Variants in GRIA1 observed in about 807,000 individuals in gnomAD.
GRIA1 encodes glutamate ionotropic receptor AMPA type subunit 1, also known as glutamate receptor 1.
In GRIA1, 31 loss-of-function variants were observed where a neutral mutation model predicts 99.2. The ratio of observed to expected loss-of-function variants is 0.31; its 90% CI spans 0.23 to 0.42. The LOEUF is 0.42. Ranked by LOEUF, GRIA1 falls within the 10% of genes least tolerant of loss-of-function variation. The pLI, the probability that GRIA1 is intolerant of heterozygous loss-of-function variation, is 1.00. For missense variants in GRIA1, 782 were observed against 1,157.5 expected (o/e 0.68, Z 4.71); for synonymous variants, 438 against 432.4 (o/e 1.01, Z -0.16).
chr5:153,715,275 C>T (rs759228826), intron 11 of GRIA1, among the ~76,000 whole-genome samples: 24 of 152,094 alleles, frequency 1.6e-4, no homozygotes, highest in Non-Finnish European at 2.6e-4. Context: ...CAGCTCCATG[C>T]TCCCATTATG....
intron 5 of GRIA1, among the ~76,000 whole-genome samples, chr5:153,671,291 T>G (rs559175018): frequency 6.6e-6 from 1 of 152,320 alleles, no homozygotes; most frequent in African/African-American, 2.4e-5. Context: ...AGGACCTTGT[T>G]ACAGATTTTC....
At chr5:153,508,211 C>T (rs1309207111) in intron 2 of GRIA1, among the ~76,000 whole-genome samples, 2 of 152,166 alleles carry the variant, frequency 1.3e-5, no homozygotes, top group Non-Finnish European at 2.9e-5. Flanking sequence ...TTAACTGAGC[C>T]TTGTTGCAAT....
chr5:153,752,782 A>T (rs894623920), intron 11 of GRIA1, among the ~76,000 whole-genome samples: 1 of 152,218 alleles, frequency 6.6e-6, no homozygotes, highest in African/African-American at 2.4e-5. Flanking sequence ...TAATCTATGT[A>T]ATGCTATGAA....
intron 12 of GRIA1, 42 bp downstream of exon 12, chr5:153,764,674 A>G (rs1448557875): frequency 7.3e-7 from 1 of 1,361,378 alleles, no homozygotes; most frequent in Admixed American, 1.7e-5. Context: ...ACAAAAGGGA[A>G]CCACAACTGT....
chr5:153,783,037 C>T (rs765215198), intron 13 of GRIA1, among the ~76,000 whole-genome samples: 5 of 152,044 alleles, frequency 3.3e-5, no homozygotes, highest in Non-Finnish European at 7.4e-5. Flanking sequence ...AGGTGGGAGA[C>T]CTGCAGGAGC....
At chr5:153,744,304 G>T (rs901594331) in intron 11 of GRIA1, among the ~76,000 whole-genome samples, 12 of 152,138 alleles carry the variant, frequency 7.9e-5, no homozygotes, top group Non-Finnish European at 1.6e-4. Context: ...AAAGAAAAAA[G>T]TTTGTTATTT....
chr5:153,638,924 T>C (rs1254565178), intron 2 of GRIA1, among the ~76,000 whole-genome samples: 2 of 152,230 alleles, frequency 1.3e-5, no homozygotes, highest in East Asian at 3.9e-4. Flanking sequence ...TCTGCAAAGA[T>C]CCTTAAAGAA....
intron 11 of GRIA1, among the ~76,000 whole-genome samples, chr5:153,741,031 C>T (rs1581576264): frequency 1.6e-5 from 2 of 128,770 alleles, no homozygotes; most frequent in South Asian, 5.0e-4. Flanking sequence ...GGCTGGAGTG[C>T]AGTGGCACAA....
At chr5:153,713,820 G>A (rs1759489333) in intron 11 of GRIA1, among the ~76,000 whole-genome samples, 1 of 152,238 alleles carries the variant, frequency 6.6e-6, no homozygotes, top group African/African-American at 2.4e-5. Flanking sequence ...GAGCTGAAAG[G>A]GATATTGAGG....
At chr5:153,777,993 G>A (rs1764373528) in intron 13 of GRIA1, among the ~76,000 whole-genome samples, 2 of 152,198 alleles carry the variant, frequency 1.3e-5, no homozygotes, top group Non-Finnish European at 2.9e-5. Context: ...GGTCGGGCCT[G>A]ATCAGAGACA....
intron 11 of GRIA1, among the ~76,000 whole-genome samples, chr5:153,744,041 C>T (rs949517042): frequency 1.3e-5 from 2 of 152,098 alleles, no homozygotes; most frequent in African/African-American, 4.8e-5. Flanking sequence ...ATTCCCATTT[C>T]CTGAGGGTGA....
chr5:153,762,886 A>G (rs532460264), intron 11 of GRIA1, among the ~76,000 whole-genome samples: 1 of 151,182 alleles, frequency 6.6e-6, no homozygotes, highest in Non-Finnish European at 1.5e-5. Flanking sequence ...AAACTTCTAC[A>G]AAGTTCTCCT....
intron 2 of GRIA1, among the ~76,000 whole-genome samples, chr5:153,642,657 A>G (rs1753857741): frequency 6.6e-6 from 1 of 151,688 alleles, no homozygotes. Flanking sequence ...AAAAACAAAG[A>G]AGAAGAAGAG....
chr5:153,638,507 T>A lies in GRIA1; in HGVS notation c.221-8421T>A, dbSNP rs1348437553. Among the ~76,000 whole-genome samples, 3 of 152,236 alleles carry A rather than the reference T, an allele frequency of 2.0e-5. No individual in the cohort carries two copies. In the East Asian group the frequency reaches 5.8e-4, roughly 29 times the overall value. ...CTGGCTGGTAGCTTAGTAACGTGGA[T>A]AGTTGTTCTGCTTCCCTTGACCCAG... On this transcript the variant is annotated intron_variant, in intron 2 of 15. Transcript: ENST00000285900.
At chr5:153,772,444 G>A (rs1763943684) in intron 13 of GRIA1, among the ~76,000 whole-genome samples, 1 of 152,080 alleles carries the variant, frequency 6.6e-6, no homozygotes, top group Non-Finnish European at 1.5e-5. Flanking sequence ...TAATACAGAG[G>A]AGAAATGTTT....
At chr5:153,723,460 G>A (rs562140681) in intron 11 of GRIA1, among the ~76,000 whole-genome samples, 53 of 152,230 alleles carry the variant, frequency 3.5e-4, no homozygotes, top group Non-Finnish European at 5.6e-4. Flanking sequence ...CTCGGGAAAC[G>A]CAAGGGATCA....
At chr5:153,792,399 A>G (rs1440677820) in intron 13 of GRIA1, among the ~76,000 whole-genome samples, 1 of 152,230 alleles carries the variant, frequency 6.6e-6, no homozygotes, top group Non-Finnish European at 1.5e-5. Flanking sequence ...AGCAAAAATG[A>G]GAATTAGAAC....
intron 6 of GRIA1, among the ~76,000 whole-genome samples, chr5:153,676,425 A>G (rs1054436116): frequency 1.3e-5 from 2 of 152,208 alleles, no homozygotes; most frequent in Non-Finnish European, 2.9e-5. Context: ...GTGAGAAAGA[A>G]TGAGGGGAAA....
intron 2 of GRIA1, among the ~76,000 whole-genome samples, chr5:153,601,778 C>A (rs1764987069): frequency 6.6e-6 from 1 of 152,130 alleles, no homozygotes; most frequent in Non-Finnish European, 1.5e-5. Context: ...TTGTAAGGGA[C>A]CTTAGAGAGT....
Sources: gnomAD v4.1 joint callset for allele counts (sites outside exome capture counted in the v4.1 genomes callset) on GRCh38, gnomAD v4.1.1 for gene constraint, MANE v1.5 for transcripts, NCBI Gene and HGNC (gene_info 2026-07-23, HGNC 2026-07-21) for gene names.